The following SHQ1 variants were observed in gnomAD, a reference collection of about 807,000 sequenced individuals.
SHQ1 encodes the protein protein SHQ1 homolog.
In SHQ1, 49 loss-of-function variants were observed where a neutral mutation model predicts 53.8. The observed-to-expected ratio is 0.91, with a 90% CI of 0.72 to 1.16. The LOEUF (loss-of-function observed/expected upper bound fraction) is 1.16, where lower values mean the gene tolerates loss of function less well. Among genes scored for constraint, SHQ1 ranks in the 50% most tolerant of loss-of-function variants. SHQ1 has a pLI of 0.00. For synonymous variants in SHQ1, 243 were observed against 251.0 expected (o/e 0.97, Z 0.30); for missense variants, 738 against 683.1 (o/e 1.08, Z -0.90).
intron 6 of SHQ1, among the ~76,000 whole-genome samples, chr3:72,821,982 C>A (rs1707491709): frequency 6.6e-6 from 1 of 152,152 alleles, no homozygotes; most frequent in African/African-American, 2.4e-5. Flanking sequence ...GAGAAACCAT[C>A]CAACTCCTGG....
At chr3:72,837,734 C>T (rs938862287) in intron 4 of SHQ1, among the ~76,000 whole-genome samples, 5 of 152,176 alleles carry the variant, frequency 3.3e-5, no homozygotes, top group African/African-American at 9.7e-5. Context: ...TTTCTTCTAG[C>T]TGCTTTACTC....
intron 4 of SHQ1, among the ~76,000 whole-genome samples, chr3:72,834,823 C>T (rs1452640358): frequency 1.3e-5 from 2 of 152,196 alleles, no homozygotes; most frequent in Non-Finnish European, 2.9e-5. Context: ...AGCTTTCTTA[C>T]TGTCAAGTCC....
At chr3:72,819,226 T>C (rs559977033) in intron 6 of SHQ1, among the ~76,000 whole-genome samples, 1 of 152,210 alleles carries the variant, frequency 6.6e-6, no homozygotes, top group Non-Finnish European at 1.5e-5. Flanking sequence ...GTTCCTTGGT[T>C]TGTAGGCAAT....
Position 72,832,415 on chromosome 3 carries a change from T to C in SHQ1, c.553A>G (p.Lys185Glu). 1 of 1,612,952 alleles carries C rather than the reference T, an allele frequency of 6.2e-7. No homozygotes were observed. The highest frequency in any genetic ancestry group is 1.1e-5 in the South Asian group (1 of 90,992). ...DFTPAAERRQ[K>E]RLAAELAKFD... is the part of the protein sequence containing the mutation. Reference sequence around the variant, plus strand: ...TTGGCCAGCTCAGCGGCCAGGCGCTTCTGTCTTCGTTCAGCTGCAGGGGTG... The same window carrying C: ...TTGGCCAGCTCAGCGGCCAGGCGCTCCTGTCTTCGTTCAGCTGCAGGGGTG... Residue 185 changes from lysine (K) to glutamate (E), a missense_variant, in exon 5 of 11, where the codon AAG becomes GAG. Physicochemically the swap from Lys to Glu is moderately conservative, Grantham distance 56. Coordinates refer to ENST00000325599, the MANE Select transcript of SHQ1 (RefSeq NM_018130.3).
At chr3:72,747,623 GGA>G (rs979719769), downstream of SHQ1, among the ~76,000 whole-genome samples, 7 of 152,206 alleles carry the variant, frequency 4.6e-5, no homozygotes, top group African/African-American at 1.4e-4. Flanking sequence ...GCTCCAGAGA[GGA>G]GAGAGCTGCA....
At chr3:72,803,899 G>A (rs192786483) in intron 9 of SHQ1, among the ~76,000 whole-genome samples, 3 of 152,160 alleles carry the variant, frequency 2.0e-5, no homozygotes, top group Admixed American at 1.3e-4. Flanking sequence ...GCCTGTGGAT[G>A]GCCATTAAGG....
intron 10 of SHQ1, among the ~76,000 whole-genome samples, chr3:72,788,171 G>A (rs1486938796): frequency 2.0e-5 from 3 of 151,862 alleles, no homozygotes; most frequent in Non-Finnish European, 2.9e-5. Flanking sequence ...CTGCCTGGCC[G>A]CCCATCGTCT....
chr3:72,732,266 C>T, the SHQ1 span, among the ~76,000 whole-genome samples: 1 of 150,596 alleles, frequency 6.6e-6, no homozygotes, highest in African/African-American at 2.5e-5. Context: ...GCCAGCAGTG[C>T]CGGCATTGTT....
intron 6 of SHQ1, among the ~76,000 whole-genome samples, chr3:72,820,235 A>G (rs1707436438): frequency 2.0e-5 from 3 of 152,222 alleles, no homozygotes; most frequent in Non-Finnish European, 4.4e-5. Context: ...CTGACGTTAC[A>G]TTATCCACAT....
intron 4 of SHQ1, 96 bp downstream of exon 4, chr3:72,840,946 ATAT>A: frequency 3.7e-6 from 5 of 1,356,578 alleles, no homozygotes; most frequent in Non-Finnish European, 5.0e-6. Flanking sequence ...ACCTCCTGTA[ATAT>A]TATTTTTAAA....
At chr3:72,727,785 C>T in the SHQ1 span, among the ~76,000 whole-genome samples, 15 of 152,148 alleles carry the variant, frequency 9.9e-5, no homozygotes, top group Non-Finnish European at 2.2e-4. Flanking sequence ...GTCAGGCTCA[C>T]CTTGTGGGTA....
At chr3:72,798,094 A>G (rs998318970) in intron 9 of SHQ1, among the ~76,000 whole-genome samples, 1 of 152,310 alleles carries the variant, frequency 6.6e-6, no homozygotes, top group East Asian at 1.9e-4. Flanking sequence ...ATATGGGCAT[A>G]AAAAAATGCT....
chr3:72,757,831 A>T (rs140247467), intron 10 of SHQ1, among the ~76,000 whole-genome samples: 187 of 152,284 alleles, frequency 1.2e-3, no homozygotes, highest in African/African-American at 4.2e-3. Flanking sequence ...CAGAGGGTGG[A>T]GGATAGGTAG....
chr3:72,769,153 G>A (rs1248951548), intron 10 of SHQ1, among the ~76,000 whole-genome samples: 1 of 152,194 alleles, frequency 6.6e-6, no homozygotes, highest in Non-Finnish European at 1.5e-5. Flanking sequence ...GGGGGTCTGT[G>A]GCAGAATGGA....
intron 9 of SHQ1, among the ~76,000 whole-genome samples, chr3:72,798,989 C>T (rs779642611): frequency 9.9e-5 from 15 of 151,936 alleles, no homozygotes; most frequent in Non-Finnish European, 2.1e-4. Context: ...TGGCTAAGAT[C>T]AAATGTCATA....
chr3:72,841,478 C>G (rs565110394), intron 3 of SHQ1, among the ~76,000 whole-genome samples: 24 of 152,096 alleles, frequency 1.6e-4, no homozygotes, highest in Non-Finnish European at 3.2e-4. Flanking sequence ...GTGAAAGCAG[C>G]CAGACAAAAA....
intron 4 of SHQ1, among the ~76,000 whole-genome samples, chr3:72,835,642 C>T (rs1707971104): frequency 6.6e-6 from 1 of 152,198 alleles, no homozygotes; most frequent in African/African-American, 2.4e-5. Context: ...AGACTGTGAG[C>T]ACAGCTCTGC....
chr3:72,793,958 A>G (rs994796206), intron 9 of SHQ1: 3 of 152,176 alleles, frequency 2.0e-5, no homozygotes, highest in Admixed American at 2.0e-4. Flanking sequence ...TTTTAACCCA[A>G]CCAAAGTCTA....
At chr3:72,800,882 C>G (rs1266909186) in intron 9 of SHQ1, among the ~76,000 whole-genome samples, 1 of 152,150 alleles carries the variant, frequency 6.6e-6, no homozygotes, top group Non-Finnish European at 1.5e-5. Context: ...CACTGTACCA[C>G]CATAAGTTCA....
Sources: allele counts gnomAD v4.1 joint callset (sites outside exome capture counted in the v4.1 genomes callset), GRCh38; gene constraint gnomAD v4.1.1; transcripts MANE v1.5; gene names NCBI Gene and HGNC (gene_info 2026-07-23, HGNC 2026-07-21).